The following PTPRM variants were observed in gnomAD, a reference collection of about 807,000 sequenced individuals.
PTPRM encodes protein tyrosine phosphatase receptor type M.
A neutral mutation model predicts 186.7 loss-of-function variants in PTPRM; 47 were observed. The observed-to-expected ratio is 0.25, with a 90% CI of 0.20 to 0.32. The LOEUF (loss-of-function observed/expected upper bound fraction) is 0.32. Among genes scored for constraint, PTPRM ranks in the 10% least tolerant of loss-of-function variants. The pLI is 1.00. For synonymous variants in PTPRM, 668 were observed against 674.9 expected (o/e 0.99, Z 0.16); for missense variants, 1,494 against 1,865.0 (o/e 0.80, Z 3.66).
chr18:7,693,213 A>G (rs1344547060), intron 1 of PTPRM, among the ~76,000 whole-genome samples: 2 of 152,176 alleles, frequency 1.3e-5, no homozygotes, highest in Admixed American at 6.5e-5. Flanking sequence ...TTTTTATACA[A>G]AGATTAACGG....
intron 1 of PTPRM, among the ~76,000 whole-genome samples, chr18:7,771,387 A>G (rs1429337003): frequency 2.0e-5 from 3 of 152,220 alleles, no homozygotes; most frequent in African/African-American, 4.8e-5. Context: ...ACCGAGAGAC[A>G]ATACTTCTCG....
chr18:7,757,135 A>G (rs1486872055), intron 1 of PTPRM, among the ~76,000 whole-genome samples: 2 of 152,156 alleles, frequency 1.3e-5, no homozygotes, highest in African/African-American at 4.8e-5. Context: ...GCTACACCTT[A>G]AATGCCTTCT....
chr18:7,809,163 T>G (rs1236770784), intron 2 of PTPRM, among the ~76,000 whole-genome samples: 1 of 152,110 alleles, frequency 6.6e-6, no homozygotes, highest in African/African-American at 2.4e-5. Context: ...TGGCTTTCTC[T>G]CTCATCAGCC....
chr18:7,699,898 A>G (rs1043795452), intron 1 of PTPRM, among the ~76,000 whole-genome samples: 1 of 152,196 alleles, frequency 6.6e-6, no homozygotes, highest in Non-Finnish European at 1.5e-5. Flanking sequence ...TGTATGAGGT[A>G]GGATCAAGCT....
chr18:8,143,876 A>G (rs953850866), intron 14 of PTPRM, 97 bp downstream of exon 14: 1 of 1,448,796 alleles, frequency 6.9e-7, no homozygotes, highest in African/African-American at 1.4e-5. Context: ...ACTGGCTTTG[A>G]TAACCCAGAC....
intron 1 of PTPRM, among the ~76,000 whole-genome samples, chr18:7,678,436 T>C (rs2039400331): frequency 6.6e-6 from 1 of 152,210 alleles, no homozygotes; most frequent in Admixed American, 6.5e-5. Context: ...GAGAACTACA[T>C]GCAGGGAGCA....
intron 2 of PTPRM, among the ~76,000 whole-genome samples, chr18:7,783,676 A>T (rs946583871): frequency 1.4e-4 from 21 of 151,436 alleles, no homozygotes; most frequent in African/African-American, 5.1e-4. Flanking sequence ...GGCTCAAGGG[A>T]TCCTCCTGCT....
At chr18:7,693,597 TGTGTGGC>T (rs796629353) in intron 1 of PTPRM, among the ~76,000 whole-genome samples, 44 of 152,348 alleles carry the variant, frequency 2.9e-4, no homozygotes, top group African/African-American at 1.1e-3. Context: ...TGTGAAATGC[TGTGTGGC>T]GTGTATACAA....
At chr18:8,282,500 T>TA in intron 19 of PTPRM, among the ~76,000 whole-genome samples, 2 of 152,094 alleles carry the variant, frequency 1.3e-5, no homozygotes, top group African/African-American at 4.8e-5. Flanking sequence ...CTGTCTCTAC[T>TA]AAAATACAAA....
At chr18:8,020,706 A>G (rs2085162122) in intron 7 of PTPRM, among the ~76,000 whole-genome samples, 1 of 152,120 alleles carries the variant, frequency 6.6e-6, no homozygotes, top group Admixed American at 6.6e-5. Context: ...GCTGCACACT[A>G]TTCTTTCCGA....
chr18:7,699,327 G>A (rs2039910716), intron 1 of PTPRM, among the ~76,000 whole-genome samples: 3 of 152,072 alleles, frequency 2.0e-5, no homozygotes, highest in African/African-American at 7.2e-5. Context: ...TATACTTATC[G>A]AAAATATATT....
chr18:7,595,304 C>T (rs1042152983), intron 1 of PTPRM, among the ~76,000 whole-genome samples: 1 of 152,128 alleles, frequency 6.6e-6, no homozygotes, highest in African/African-American at 2.4e-5. Flanking sequence ...GGAAGGTGCC[C>T]ATGAAGTATC....
chr18:7,893,142 A>C (rs572585708), intron 3 of PTPRM, among the ~76,000 whole-genome samples: 10 of 152,340 alleles, frequency 6.6e-5, no homozygotes, highest in African/African-American at 2.4e-4. Flanking sequence ...TAAAATGGAA[A>C]TGGAAATATA....
chr18:8,346,985 C>T (rs2095508944), intron 23 of PTPRM, among the ~76,000 whole-genome samples: 1 of 152,152 alleles, frequency 6.6e-6, no homozygotes, highest in Non-Finnish European at 1.5e-5. Flanking sequence ...GTAGCCTAAA[C>T]ATTTCATCTG....
At chr18:8,275,993 T>G (rs1162670164) in intron 19 of PTPRM, among the ~76,000 whole-genome samples, 2 of 152,124 alleles carry the variant, frequency 1.3e-5, no homozygotes, top group African/African-American at 4.8e-5. Flanking sequence ...ACCTCTCGCT[T>G]GGGTCATGTC....
chr18:7,973,057 C>T (rs77382760), intron 7 of PTPRM, among the ~76,000 whole-genome samples: 14 of 152,044 alleles, frequency 9.2e-5, no homozygotes, highest in Non-Finnish European at 1.3e-4. Flanking sequence ...ATATAACCCA[C>T]ATATAATATA....
chr18:7,721,707 C>T (rs541349724), intron 1 of PTPRM, among the ~76,000 whole-genome samples: 2 of 152,204 alleles, frequency 1.3e-5, no homozygotes, highest in African/African-American at 2.4e-5. Flanking sequence ...AAAGACTGTT[C>T]TTTTACCACT....
At chr18:8,051,913 A>G (rs1007728126) in intron 7 of PTPRM, among the ~76,000 whole-genome samples, 23 of 152,198 alleles carry the variant, frequency 1.5e-4, no homozygotes, top group African/African-American at 5.3e-4. Context: ...ACATGATACA[A>G]TCCATATCTT....
At chr18:7,710,530 T>C (rs187533430) in intron 1 of PTPRM, among the ~76,000 whole-genome samples, 35 of 152,068 alleles carry the variant, frequency 2.3e-4, no homozygotes, top group Non-Finnish European at 4.9e-4. Flanking sequence ...AACACAGTAA[T>C]GGAAGTCCTA....
Sources: allele counts gnomAD v4.1 joint callset (sites outside exome capture counted in the v4.1 genomes callset), GRCh38; gene constraint gnomAD v4.1.1; transcripts MANE v1.5; gene names NCBI Gene and HGNC (gene_info 2026-07-23, HGNC 2026-07-21).